Variants in TENM2 observed in about 807,000 individuals in gnomAD.
The protein encoded by TENM2 is teneurin-2.
TENM2 carries 52 observed loss-of-function variants against 245.2 expected under a neutral mutation model. The ratio of observed to expected loss-of-function variants is 0.21; its 90% CI spans 0.17 to 0.27. The LOEUF (loss-of-function observed/expected upper bound fraction) is 0.27, where lower values mean the gene tolerates loss of function less well. Among genes scored for constraint, TENM2 ranks in the 10% least tolerant of loss-of-function variants. The pLI, the probability that TENM2 is intolerant of heterozygous loss-of-function variation, is 1.00. For synonymous variants in TENM2, 1,363 were observed against 1,438.9 expected (o/e 0.95, Z 1.19); for missense variants, 3,046 against 3,666.8 (o/e 0.83, Z 4.37).
intron 4 of TENM2, among the ~76,000 whole-genome samples, chr5:167,983,712 T>G (rs567234616): frequency 2.6e-5 from 4 of 152,344 alleles, no homozygotes; most frequent in African/African-American, 9.6e-5. Context: ...CTGTAAGTCC[T>G]ATTTTAAAGG....
intron 3 of TENM2, among the ~76,000 whole-genome samples, chr5:167,894,960 A>G (rs1004912082): frequency 7.9e-6 from 1 of 125,890 alleles, no homozygotes; most frequent in African/African-American, 2.9e-5. Flanking sequence ...GAAGGAAGGA[A>G]GGAAGGAAGG....
At chr5:168,206,648 C>T (rs527833014) in intron 19 of TENM2, among the ~76,000 whole-genome samples, 8 of 152,158 alleles carry the variant, frequency 5.3e-5, no homozygotes, top group Non-Finnish European at 1.0e-4. Context: ...AATCGCTTTT[C>T]CTAGACTTGC....
intron 2 of TENM2, among the ~76,000 whole-genome samples, chr5:167,503,414 A>G (rs1382235622): frequency 6.6e-6 from 1 of 152,132 alleles, no homozygotes; most frequent in East Asian, 1.9e-4. Flanking sequence ...GGGAGAGTGC[A>G]GAGAAAAGAA....
chr5:167,022,774 C>T, the TENM2 span, among the ~76,000 whole-genome samples: 1 of 152,124 alleles, frequency 6.6e-6, no homozygotes, highest in Non-Finnish European at 1.5e-5. Context: ...TTCCCCTAGT[C>T]ATTGTCTTTC....
intron 12 of TENM2, among the ~76,000 whole-genome samples, chr5:168,145,348 G>A (rs1581439566): frequency 2.3e-5 from 3 of 133,300 alleles, no homozygotes; most frequent in Admixed American, 7.9e-5. Context: ...ATCTTGAATT[G>A]ATTTTTGTAT....
At chr5:167,122,603 T>C in the TENM2 span, among the ~76,000 whole-genome samples, 1 of 152,234 alleles carries the variant, frequency 6.6e-6, no homozygotes, top group Non-Finnish European at 1.5e-5. Context: ...GTGTACATTT[T>C]ATTGGTGACC....
At chr5:167,798,414 G>A (rs1049520281) in intron 2 of TENM2, among the ~76,000 whole-genome samples, 6 of 152,222 alleles carry the variant, frequency 3.9e-5, no homozygotes, top group Admixed American at 2.0e-4. Flanking sequence ...TGGTGAATTA[G>A]GACAAGAGGA....
intron 2 of TENM2, among the ~76,000 whole-genome samples, chr5:167,455,141 A>G (rs1015007259): frequency 6.6e-6 from 1 of 152,218 alleles, no homozygotes; most frequent in Non-Finnish European, 1.5e-5. Flanking sequence ...CATGCTTCCA[A>G]GTGTTGTGTA....
At chr5:168,136,001 C>G (rs1755015618) in intron 12 of TENM2, among the ~76,000 whole-genome samples, 1 of 152,154 alleles carries the variant, frequency 6.6e-6, no homozygotes, top group Non-Finnish European at 1.5e-5. Flanking sequence ...TGGTGGCATT[C>G]CTTTCTGTTC....
At chr5:167,290,257 A>G in intron 1 of TENM2, among the ~76,000 whole-genome samples, 1 of 152,178 alleles carries the variant, frequency 6.6e-6, no homozygotes, top group East Asian at 1.9e-4. Context: ...TCCATATCCC[A>G]GTGCTGATGG....
intron 2 of TENM2, among the ~76,000 whole-genome samples, chr5:167,576,940 A>AAATGT (rs1774734195): frequency 6.6e-6 from 1 of 152,242 alleles, no homozygotes; most frequent in Non-Finnish European, 1.5e-5. Context: ...TCAGAATAGG[A>AAATGT]AATGTAATTA....
the TENM2 span, among the ~76,000 whole-genome samples, chr5:167,016,745 A>G: frequency 0.031 from 4,758 of 152,214 alleles, 248 homozygotes; most frequent in African/African-American, 0.11. Flanking sequence ...TATTAAATCT[A>G]TCCTAATCTA....
the TENM2 span, among the ~76,000 whole-genome samples, chr5:167,019,835 G>A: frequency 6.6e-6 from 1 of 151,900 alleles, no homozygotes; most frequent in African/African-American, 2.4e-5. Context: ...TAAAATTTAG[G>A]GTATATTTAT....
chr5:167,963,437 A>G (rs1781158458), intron 4 of TENM2, among the ~76,000 whole-genome samples: 1 of 152,140 alleles, frequency 6.6e-6, no homozygotes, highest in Non-Finnish European at 1.5e-5. Context: ...TCTGTCTTTC[A>G]TACCAAATAA....
chr5:167,355,238 T>G (rs1759233332), intron 1 of TENM2, among the ~76,000 whole-genome samples: 1 of 152,066 alleles, frequency 6.6e-6, no homozygotes, highest in South Asian at 2.1e-4. Flanking sequence ...CAACTATTCT[T>G]GGGGAGACTT....
chr5:167,133,828 A>G, the TENM2 span, among the ~76,000 whole-genome samples: 1 of 152,126 alleles, frequency 6.6e-6, no homozygotes, highest in East Asian at 1.9e-4. Flanking sequence ...TGGGGCGAAA[A>G]AAAAAAAGGA....
chr5:167,547,479 CTT>C (rs1554175089), intron 2 of TENM2, among the ~76,000 whole-genome samples: 1 of 152,170 alleles, frequency 6.6e-6, no homozygotes, highest in Non-Finnish European at 1.5e-5. Context: ...CTCAACCACA[CTT>C]TTGTTTTTCG....
chr5:167,936,442 T>C (rs1778722648), intron 3 of TENM2, among the ~76,000 whole-genome samples: 1 of 152,200 alleles, frequency 6.6e-6, no homozygotes, highest in Non-Finnish European at 1.5e-5. Flanking sequence ...TTTTCCAGTG[T>C]GCTTTTATTT....
Position 168,247,475 on chromosome 5 carries a change from A to G in TENM2, c.6536A>G (p.Tyr2179Cys). The G allele has an allele frequency of 6.2e-7, 1 of 1,612,580 alleles. No individual in the cohort carries two copies. The highest frequency in any genetic ancestry group is 8.5e-7 in the Non-Finnish European group (1 of 1,178,856). ...CTCATGTACTGGATGACGGTGCAAT[A>G]TGACAGCATGGGCAGGGTGATCAAG... Residue 2179 changes from tyrosine (Y) to cysteine (C), a missense_variant, in exon 27 of 29, where the codon TAT becomes TGT. Coordinates refer to ENST00000518659, the Ensembl canonical transcript of TENM2. This position sits in a 1 kb window ranked among gnomAD's most constrained non-coding sequence, Gnocchi z 7.8.
Sources: allele counts gnomAD v4.1 joint callset (sites outside exome capture counted in the v4.1 genomes callset), GRCh38; gene constraint gnomAD v4.1.1; non-coding constraint Gnocchi (gnomAD v3.1); transcripts MANE v1.5; gene names NCBI Gene and HGNC (gene_info 2026-07-23, HGNC 2026-07-21).